The following TLN2 variants were observed in gnomAD, a reference collection of about 807,000 sequenced individuals.
TLN2 encodes the protein talin 2, also known as talin-2.
In TLN2, 118 loss-of-function variants were observed where a neutral mutation model predicts 294.7. The observed-to-expected ratio is 0.40, with a 90% CI of 0.34 to 0.47. TLN2 has a LOEUF of 0.47. TLN2 is among the 20% of genes least tolerant of loss of function. The pLI is 0.84. For missense variants in TLN2, 3,083 were observed against 3,282.2 expected (o/e 0.94, Z 1.48); for synonymous variants, 1,431 against 1,304.5 (o/e 1.10, Z -2.09).
chr15:62,528,211 G>A (rs929338122), intron 1 of TLN2, among the ~76,000 whole-genome samples: 13 of 152,108 alleles, frequency 8.5e-5, no homozygotes, highest in African/African-American at 3.1e-4. Flanking sequence ...TTGTTAAATG[G>A]ATATGTCAAA....
intron 24 of TLN2, 24 bp downstream of exon 24, chr15:62,717,713 C>A: frequency 1.3e-6 from 2 of 1,505,084 alleles, no homozygotes; most frequent in South Asian, 1.3e-5. Flanking sequence ...GCACAGAGAG[C>A]CAGGTCAGCT....
intron 1 of TLN2, among the ~76,000 whole-genome samples, chr15:62,407,378 T>G (rs2033469329): frequency 1.3e-5 from 2 of 152,170 alleles, no homozygotes; most frequent in East Asian, 1.9e-4. Flanking sequence ...TGCATAAGAA[T>G]CTCCTAGGCA....
At position 62,704,948 on chromosome 15, in the gene TLN2, C is replaced by T. The variant is rs191255884; in HGVS notation, c.2004+2084C>T. On this transcript the variant is annotated intron_variant, in intron 19 of 58. Transcript: ENST00000636159. ...TATCTTGACGTAGTCATTTATGTTC[C>T]CCAAAAGTATTAATATTATTGTTTT... Among the ~76,000 whole-genome samples the T allele has an allele frequency of 1.5e-3, 228 of 152,260 alleles. 2 individuals are homozygous for T. The highest frequency in any genetic ancestry group is 5.4e-3 in the African/African-American group (226 of 41,552).
At chr15:62,413,298 C>T (rs1238450813) in intron 1 of TLN2, among the ~76,000 whole-genome samples, 1 of 152,108 alleles carries the variant, frequency 6.6e-6, no homozygotes, top group Non-Finnish European at 1.5e-5. Flanking sequence ...CTTATTTAGT[C>T]CATGCACTGC....
In TLN2 at chr15:62,766,312, C is replaced by G; in HGVS notation, c.5095-9C>G. On this transcript the variant is annotated splice_polypyrimidine_tract_variant and intron_variant, in intron 40 of 58. Transcript: ENST00000636159. ...TATGGGATGAACTTGACACTTCTCT[C>G]CTTATCAGGCCCTGCAGGAGCAGCT... 1 of 1,608,938 alleles carries G rather than the reference C, an allele frequency of 6.2e-7. No individual in the cohort carries two copies. The highest frequency in any genetic ancestry group is 1.1e-5 in the South Asian group (1 of 90,870).
At chr15:62,677,607 T>C (rs959559807) in intron 11 of TLN2, among the ~76,000 whole-genome samples, 1 of 152,082 alleles carries the variant, frequency 6.6e-6, no homozygotes, top group African/African-American at 2.4e-5. Flanking sequence ...GTCTTGCAGG[T>C]TTGATCAAAC....
intron 53 of TLN2, among the ~76,000 whole-genome samples, chr15:62,820,157 C>T (rs933378632): frequency 1.3e-5 from 2 of 152,068 alleles, no homozygotes; most frequent in Non-Finnish European, 2.9e-5. Context: ...GTAGTGTCTC[C>T]TGAGGATGCT....
chr15:62,671,384 T>C (rs1463149375), intron 9 of TLN2, among the ~76,000 whole-genome samples: 1 of 152,242 alleles, frequency 6.6e-6, no homozygotes, highest in Non-Finnish European at 1.5e-5. Flanking sequence ...TACTCCTGTA[T>C]TTTCTTCTGA....
At chr15:62,441,547 C>T (rs900309327) in intron 1 of TLN2, among the ~76,000 whole-genome samples, 7 of 152,292 alleles carry the variant, frequency 4.6e-5, no homozygotes, top group Middle Eastern at 3.4e-3. Context: ...TCTGTTGGGG[C>T]GGGAGGACGT....
chr15:62,549,713 A>T lies in TLN2; in HGVS notation c.-237-39974A>T, dbSNP rs528255745. 2.6e-5 allele frequency among the ~76,000 whole-genome samples: 4 copies of T among 152,286 alleles called. No homozygotes were observed. In the East Asian group the frequency reaches 7.7e-4, roughly 29 times the overall value. ...GAGAAGAGTGGTTTCTCTCAACCGG[A>T]GGTGTCAGCTGATAACATTGTTTAG... On this transcript the variant is annotated intron_variant, in intron 1 of 58. Coordinates refer to ENST00000636159, the MANE Select transcript of TLN2 (RefSeq NM_015059.3).
At chr15:62,589,889 G>A (rs190667977) in intron 2 of TLN2, 127 bp downstream of exon 2, 2 of 152,302 alleles carry the variant, frequency 1.3e-5, no homozygotes, top group East Asian at 1.9e-4. Flanking sequence ...GTGGTTTTGC[G>A]AGGCAGGTGT....
chr15:62,392,540 G>A (rs2032186538), intron 1 of TLN2, among the ~76,000 whole-genome samples: 1 of 152,208 alleles, frequency 6.6e-6, no homozygotes, highest in African/African-American at 2.4e-5. Flanking sequence ...GGGGAAGCGG[G>A]AGTGGGGAAT....
chr15:62,762,516 C>A, intron 39 of TLN2, 63 bp downstream of exon 39: 1 of 1,553,694 alleles, frequency 6.4e-7, no homozygotes, highest in Non-Finnish European at 8.8e-7. Flanking sequence ...GGAGGATAAG[C>A]CCACCAGGCT....
At chr15:62,540,185 C>T (rs1049558113) in intron 1 of TLN2, among the ~76,000 whole-genome samples, 2 of 151,740 alleles carry the variant, frequency 1.3e-5, no homozygotes, top group African/African-American at 4.8e-5. Flanking sequence ...ACTAAAAATA[C>T]AAAAAATTAG....
At chr15:62,548,052 C>G (rs886755927) in intron 1 of TLN2, among the ~76,000 whole-genome samples, 4 of 152,102 alleles carry the variant, frequency 2.6e-5, no homozygotes, top group African/African-American at 9.7e-5. Context: ...CATTCCAGCC[C>G]GAGACTATGC....
At chr15:62,744,704 G>A (rs556388376) in intron 32 of TLN2, among the ~76,000 whole-genome samples, 1 of 152,116 alleles carries the variant, frequency 6.6e-6, no homozygotes, top group South Asian at 2.1e-4. Flanking sequence ...ATGCCACCAT[G>A]CCCAGCTAAT....
intron 9 of TLN2, among the ~76,000 whole-genome samples, chr15:62,669,600 C>T (rs1002912967): frequency 3.3e-5 from 5 of 152,176 alleles, no homozygotes; most frequent in Non-Finnish European, 7.3e-5. Context: ...TTTTGCTTGA[C>T]CAGAACTTGC....
intron 1 of TLN2, among the ~76,000 whole-genome samples, chr15:62,437,096 A>G (rs2035321682): frequency 6.6e-6 from 1 of 152,194 alleles, no homozygotes; most frequent in East Asian, 1.9e-4. Context: ...ACATTGGTTC[A>G]ATGGACTTTT....
intron 12 of TLN2, among the ~76,000 whole-genome samples, chr15:62,687,227 G>C (rs182236267): frequency 1.4e-4 from 21 of 152,262 alleles, no homozygotes; most frequent in African/African-American, 4.8e-4. Context: ...TGCCTAGAAA[G>C]AGAGCATAGT....
Sources: allele counts gnomAD v4.1 joint callset (sites outside exome capture counted in the v4.1 genomes callset), GRCh38; gene constraint gnomAD v4.1.1; transcripts MANE v1.5; gene names NCBI Gene and HGNC (gene_info 2026-07-23, HGNC 2026-07-21).